Variants in DSE observed in about 807,000 individuals in gnomAD.
DSE encodes the protein dermatan sulfate epimerase, also known as dermatan-sulfate epimerase.
A neutral mutation model predicts 84.4 loss-of-function variants in DSE; 36 were observed. The observed-to-expected ratio is 0.43, with a 90% CI of 0.33 to 0.56. The LOEUF is 0.56. Among genes scored for constraint, DSE ranks in the 20% least tolerant of loss-of-function variants. The pLI is 0.06. For synonymous variants in DSE, 410 were observed against 430.1 expected (o/e 0.95, Z 0.58); for missense variants, 862 against 1,169.6 (o/e 0.74, Z 3.84).
chr6:116,434,771 T>C (rs1380814155), intron 5 of DSE, among the ~76,000 whole-genome samples: 2 of 152,186 alleles, frequency 1.3e-5, no homozygotes, highest in African/African-American at 4.8e-5. Flanking sequence ...ACTGAGACTC[T>C]AGAACAACAG....
At chr6:116,274,682 A>C (rs1294253787) in intron 2 of DSE, among the ~76,000 whole-genome samples, 3 of 152,218 alleles carry the variant, frequency 2.0e-5, no homozygotes, top group African/African-American at 7.2e-5. Flanking sequence ...TTGGCATCAA[A>C]ATCTACCCTG....
At chr6:116,361,035 T>C (rs560322921) in intron 2 of DSE, among the ~76,000 whole-genome samples, 42 of 152,138 alleles carry the variant, frequency 2.8e-4, no homozygotes, top group Admixed American at 3.9e-4. Context: ...TTAAAAGAGA[T>C]TTTAAAATTA....
At chr6:116,396,518 AT>A (rs1237719552) in intron 1 of DSE, among the ~76,000 whole-genome samples, 3 of 152,200 alleles carry the variant, frequency 2.0e-5, no homozygotes, top group Non-Finnish European at 4.4e-5. Flanking sequence ...GGAAATTAAT[AT>A]TTTAAATGTA....
At chr6:116,317,124 C>G (rs540717065) in intron 2 of DSE, among the ~76,000 whole-genome samples, 1 of 152,200 alleles carries the variant, frequency 6.6e-6, no homozygotes, top group Non-Finnish European at 1.5e-5. Flanking sequence ...GACTGCTGTT[C>G]AGTTCCATGA....
chr6:116,342,919 A>C (rs1777700274), intron 2 of DSE, among the ~76,000 whole-genome samples: 1 of 152,180 alleles, frequency 6.6e-6, no homozygotes, highest in Admixed American at 6.5e-5. Flanking sequence ...GACAGATGGT[A>C]CCTGGAAAAT....
Position 116,437,042 on chromosome 6 carries a change from C to T in DSE, c.2574C>T (p.Asp858=), listed in dbSNP as rs752681383. 9 of 1,613,942 alleles carry T rather than the reference C, an allele frequency of 5.6e-6. No individual in the cohort carries two copies. Among genetic ancestry groups the T allele is most frequent in the African/African-American group, 1.3e-5 (1 of 74,886 alleles). The change falls in exon 6 of 6, where the codon GAC becomes GAT. Residue 858 remains aspartate, a synonymous_variant. Transcript: ENST00000644252. ...LPIDEDEEMK[D]LLDFADVTYE... is the part of the protein sequence containing the mutation. ...TAGATGAAGATGAAGAAATGAAAGA[C>T]CTTTTAGATTTTGCAGATGTAACAT...
chr6:116,321,144 A>T (rs1023248242), intron 2 of DSE, among the ~76,000 whole-genome samples: 2 of 152,090 alleles, frequency 1.3e-5, no homozygotes, highest in Non-Finnish European at 1.5e-5. Flanking sequence ...ATACTCATTT[A>T]AAAAAACCTA....
intron 1 of DSE, among the ~76,000 whole-genome samples, chr6:116,371,460 G>C (rs1283228322): frequency 6.6e-6 from 1 of 152,230 alleles, no homozygotes; most frequent in African/African-American, 2.4e-5. Context: ...GGATCTGGCC[G>C]GCCCAGCCGC....
chr6:116,408,709 C>T (rs1187686405), intron 2 of DSE, among the ~76,000 whole-genome samples: 1 of 152,170 alleles, frequency 6.6e-6, no homozygotes, highest in Non-Finnish European at 1.5e-5. Flanking sequence ...GATTTGACAT[C>T]TTGGTGCATA....
At chr6:116,367,303 G>A (rs1779220637), upstream of DSE, 1 of 152,262 alleles carries the variant, frequency 6.6e-6, no homozygotes, top group African/African-American at 2.4e-5. Context: ...GAATCTATAG[G>A]TGCAGGGTAA....
chr6:116,283,029 A>T (rs1297596467), intron 2 of DSE, among the ~76,000 whole-genome samples: 2 of 152,356 alleles, frequency 1.3e-5, no homozygotes, highest in Non-Finnish European at 2.9e-5. Flanking sequence ...TGTATCTAAA[A>T]AGGCTTAAAA....
chr6:116,412,156 T>C (rs1240456656), intron 2 of DSE, among the ~76,000 whole-genome samples: 1 of 152,206 alleles, frequency 6.6e-6, no homozygotes, highest in African/African-American at 2.4e-5. Flanking sequence ...ATAAATATTA[T>C]GGGTTCAGGG....
chr6:116,376,564 A>G (rs996441883), intron 1 of DSE, among the ~76,000 whole-genome samples: 3 of 152,246 alleles, frequency 2.0e-5, no homozygotes, highest in Non-Finnish European at 2.9e-5. Context: ...AGAATAACAT[A>G]TGAAATTTAA....
At chr6:116,275,881 T>C (rs1323958464) in intron 2 of DSE, among the ~76,000 whole-genome samples, 1 of 152,002 alleles carries the variant, frequency 6.6e-6, no homozygotes, top group Non-Finnish European at 1.5e-5. Flanking sequence ...TCCAAACTAC[T>C]GAGAGGAAAA....
chr6:116,388,899 G>A (rs887219505), intron 1 of DSE, among the ~76,000 whole-genome samples: 2 of 152,304 alleles, frequency 1.3e-5, no homozygotes, highest in African/African-American at 4.8e-5. Context: ...TAAATGTGCA[G>A]TTGAGCAGGA....
chr6:116,315,927 T>C (rs1394920447), intron 2 of DSE, among the ~76,000 whole-genome samples: 1 of 151,998 alleles, frequency 6.6e-6, no homozygotes, highest in Non-Finnish European at 1.5e-5. Context: ...GAGGCAGAGG[T>C]TGCAGTCAGC....
At chr6:116,279,014 G>C (rs1257396451) in intron 2 of DSE, 2 of 1,614,000 alleles carry the variant, frequency 1.2e-6, no homozygotes, top group Non-Finnish European at 1.7e-6. Flanking sequence ...GGGATATTCT[G>C]AATGATGTAG....
chr6:116,369,947 T>C (rs1209405560), upstream of DSE: 6 of 1,289,246 alleles, frequency 4.7e-6, no homozygotes, highest in Non-Finnish European at 6.1e-6. Flanking sequence ...CTACAAATCT[T>C]TCACTTCTGT....
chr6:116,432,924 T>C (rs1006660549), intron 4 of DSE: 5 of 177,916 alleles, frequency 2.8e-5, no homozygotes, highest in Admixed American at 1.7e-4. Flanking sequence ...AACTGAAGCA[T>C]GTTATTTTAT....
Sources: allele counts gnomAD v4.1 joint callset (sites outside exome capture counted in the v4.1 genomes callset), GRCh38; gene constraint gnomAD v4.1.1; transcripts MANE v1.5; gene names NCBI Gene and HGNC (gene_info 2026-07-23, HGNC 2026-07-21).